ROBO2: variants seen among roughly 807,000 people sequenced by gnomAD.
The protein encoded by ROBO2 is roundabout guidance receptor 2.
Under a neutral mutation model 160.8 loss-of-function variants are expected in ROBO2, and 53 were observed. The observed-to-expected ratio is 0.33, with a 90% CI of 0.26 to 0.41. The LOEUF is 0.41. ROBO2 is among the 10% of genes least tolerant of loss of function. ROBO2 has a pLI of 1.00. For missense variants in ROBO2, 1,577 were observed against 1,722.4 expected, an observed-to-expected ratio of 0.92 and a Z score of 1.49; for synonymous variants, 664 against 611.7, an observed-to-expected ratio of 1.09 and a Z score of -1.26.
intron 2 of ROBO2, among the ~76,000 whole-genome samples, chr3:76,043,652 C>T (rs2067354754): frequency 7.4e-6 from 1 of 135,178 alleles, no homozygotes; most frequent in Admixed American, 7.4e-5. Flanking sequence ...AAAAACCACA[C>T]CAAAAAACCA....
intron 2 of ROBO2, among the ~76,000 whole-genome samples, chr3:76,409,391 A>G (rs6773177): frequency 0.7 from 107,091 of 151,920 alleles, 38,207 homozygotes; most frequent in African/African-American, 0.82. Context: ...TCCTAAAAGT[A>G]GCCTACTCAT....
intron 2 of ROBO2, among the ~76,000 whole-genome samples, chr3:76,463,348 C>G (rs544410838): frequency 6.6e-6 from 1 of 151,032 alleles, no homozygotes; most frequent in South Asian, 2.1e-4. Context: ...TTGCATTCTC[C>G]TAACAAATCT....
chr3:75,959,897 TTAAA>T (rs1420475226), intron 2 of ROBO2, among the ~76,000 whole-genome samples: 1 of 151,804 alleles, frequency 6.6e-6, no homozygotes, highest in Non-Finnish European at 1.5e-5. Flanking sequence ...TGTATAGCAG[TTAAA>T]TATATATAAA....
chr3:76,677,367 G>C (rs1193205586), intron 2 of ROBO2, among the ~76,000 whole-genome samples: 1 of 152,296 alleles, frequency 6.6e-6, no homozygotes, highest in East Asian at 1.9e-4. Context: ...AGGTGCACAA[G>C]AGAAGTTAAA....
intron 2 of ROBO2, among the ~76,000 whole-genome samples, chr3:77,460,128 CA>C (rs1210007623): frequency 6.6e-6 from 1 of 151,906 alleles, no homozygotes; most frequent in Non-Finnish European, 1.5e-5. Context: ...GACAAAATGA[CA>C]GGGGCGGAAG....
chr3:76,874,852 A>C (rs2072528147), intron 2 of ROBO2, among the ~76,000 whole-genome samples: 1 of 152,212 alleles, frequency 6.6e-6, no homozygotes, highest in Admixed American at 6.5e-5. Context: ...GACAGAGCCT[A>C]GACAAGAACA....
chr3:77,289,064 C>A (rs1316098516), intron 2 of ROBO2, among the ~76,000 whole-genome samples: 2 of 152,118 alleles, frequency 1.3e-5, no homozygotes, highest in Admixed American at 1.3e-4. Context: ...GACTGGAATA[C>A]TATGATTAAC....
chr3:76,316,247 C>T (rs1227385859), intron 2 of ROBO2, among the ~76,000 whole-genome samples: 1 of 152,118 alleles, frequency 6.6e-6, no homozygotes, highest in Non-Finnish European at 1.5e-5. Context: ...GAGGGTACTG[C>T]AGGAGACCAG....
At chr3:77,058,017 AT>A (rs1214114785) in intron 1 of ROBO2, among the ~76,000 whole-genome samples, 1 of 152,134 alleles carries the variant, frequency 6.6e-6, no homozygotes, top group Non-Finnish European at 1.5e-5. Flanking sequence ...ATGTGGCTGG[AT>A]TTTGATTGAA....
intron 2 of ROBO2, among the ~76,000 whole-genome samples, chr3:77,128,385 G>A (rs2075540904): frequency 6.6e-6 from 1 of 152,182 alleles, no homozygotes; most frequent in African/African-American, 2.4e-5. Context: ...ATACTGTACA[G>A]TATAAGCTTT....
chr3:77,473,168 C>T (rs1403742100), intron 2 of ROBO2, among the ~76,000 whole-genome samples: 1 of 151,986 alleles, frequency 6.6e-6, no homozygotes, highest in East Asian at 1.9e-4. Context: ...GCAGGTGTGT[C>T]ATTTACACAG....
chr3:77,228,259 C>T (rs758117464), intron 2 of ROBO2, among the ~76,000 whole-genome samples: 1 of 151,976 alleles, frequency 6.6e-6, no homozygotes, highest in African/African-American at 2.4e-5. Context: ...CTTGAACTCC[C>T]GGGCTCAAGG....
chr3:77,034,619 A>AT (rs1167262638), intron 2 of ROBO2, among the ~76,000 whole-genome samples: 2 of 151,916 alleles, frequency 1.3e-5, no homozygotes, highest in Non-Finnish European at 1.5e-5. Flanking sequence ...TGAAGTATCC[A>AT]TTGTGAAACA....
intron 2 of ROBO2, among the ~76,000 whole-genome samples, chr3:76,605,625 G>C (rs2087589201): frequency 6.6e-6 from 1 of 152,136 alleles, no homozygotes; most frequent in Non-Finnish European, 1.5e-5. Flanking sequence ...CAAAGGATAA[G>C]ACTGGAGTAA....
At chr3:77,252,831 A>AAAAAAAAAAAATATAT in intron 2 of ROBO2, among the ~76,000 whole-genome samples, 2 of 12,520 alleles carry the variant, frequency 1.6e-4, no homozygotes, top group African/African-American at 3.2e-4. Context: ...AAAAAAAAAA[A>AAAAAAAAAAAATATAT]ATATATATAT....
intron 2 of ROBO2, among the ~76,000 whole-genome samples, chr3:77,309,359 C>T (rs1233361264): frequency 6.6e-6 from 1 of 152,110 alleles, no homozygotes; most frequent in Non-Finnish European, 1.5e-5. Flanking sequence ...ATACCAATTA[C>T]AAGAAGAAAT....
chr3:76,072,742 A>T (rs2068503948), intron 2 of ROBO2, among the ~76,000 whole-genome samples: 1 of 152,196 alleles, frequency 6.6e-6, no homozygotes, highest in Non-Finnish European at 1.5e-5. Flanking sequence ...GAGGGTGTTT[A>T]TTAATGAAAC....
chr3:76,499,865 T>C (rs1440461470), intron 2 of ROBO2, among the ~76,000 whole-genome samples: 2 of 152,186 alleles, frequency 1.3e-5, no homozygotes, highest in African/African-American at 4.8e-5. Context: ...TTCTCCTTTT[T>C]TTAATGATGG....
At chr3:77,567,979 G>A (rs1414444904) in intron 12 of ROBO2, among the ~76,000 whole-genome samples, 4 of 151,984 alleles carry the variant, frequency 2.6e-5, no homozygotes, top group Non-Finnish European at 5.9e-5. Context: ...GATCTTTCTA[G>A]ACTTCTGTAG....
Sources: allele counts gnomAD v4.1 joint callset (sites outside exome capture counted in the v4.1 genomes callset), GRCh38; gene constraint gnomAD v4.1.1; transcripts MANE v1.5; gene names NCBI Gene and HGNC (gene_info 2026-07-23, HGNC 2026-07-21).